The following MCPH1 variants were observed in gnomAD, a reference collection of about 807,000 sequenced individuals.
MCPH1 encodes microcephalin 1, also known as microcephalin.
MCPH1 carries 104 observed loss-of-function variants against 84.5 expected under a neutral mutation model. That is an observed-to-expected ratio of 1.23 (90% confidence interval 1.05 to 1.45). The LOEUF (loss-of-function observed/expected upper bound fraction) is 1.45, where lower values mean the gene tolerates loss of function less well. MCPH1 is among the 40% of genes most tolerant of loss of function. The pLI is 0.00. For synonymous variants in MCPH1, 514 were observed against 366.8 expected (o/e 1.40, Z -4.58); for missense variants, 1,498 against 1,005.7 (o/e 1.49, Z -6.62).
intron 13 of MCPH1, chr8:6,626,147 T>C: frequency 2.0e-6 from 2 of 985,344 alleles, no homozygotes; most frequent in Non-Finnish European, 2.4e-6. Flanking sequence ...AAGAATTTCT[T>C]TCGACCTCAG....
intron 12 of MCPH1, among the ~76,000 whole-genome samples, chr8:6,545,367 A>C (rs7005658): frequency 0.17 from 25,757 of 152,202 alleles, 2,668 homozygotes; most frequent in South Asian, 0.23. Context: ...AAATTCTTTT[A>C]AAAACTAAAA....
intron 1 of MCPH1, among the ~76,000 whole-genome samples, chr8:6,408,415 T>C (rs1447114023): frequency 2.0e-5 from 3 of 152,172 alleles, no homozygotes; most frequent in Admixed American, 6.5e-5. Flanking sequence ...AGAGCCAGGG[T>C]CTCACTATGT....
intron 12 of MCPH1, among the ~76,000 whole-genome samples, chr8:6,558,445 A>G (rs1316118845): frequency 2.6e-5 from 4 of 152,216 alleles, no homozygotes; most frequent in Non-Finnish European, 4.4e-5. Flanking sequence ...CAAAATTTCA[A>G]TTATTTTATG....
At position 6,622,004 on chromosome 8, in the gene MCPH1, G is replaced by A. The variant is rs143238857; in HGVS notation, c.2452+313G>A. 6.4e-3 allele frequency: 2,696 copies of A among 423,082 alleles called. 17 individuals are homozygous for A. The highest frequency in any genetic ancestry group is 7.8e-3 in the Non-Finnish European group (1,678 of 214,278). The allele number at this position is 423,082 out of a possible 1,614,324, so 26.2% of individuals were successfully genotyped here. A position where few individuals can be genotyped will look rare whatever the true frequency, so the allele number is the denominator to read the frequency against. ...CCACCCCTGTGGGCACAGACTCTCCGGGCACCCCTCTTAGACCCTCCCTCC... is the reference window on the plus strand; with the variant it reads ...CCACCCCTGTGGGCACAGACTCTCCAGGCACCCCTCTTAGACCCTCCCTCC... On this transcript the variant is annotated intron_variant, in intron 13 of 13. Transcript: ENST00000344683.
intron 9 of MCPH1, among the ~76,000 whole-genome samples, chr8:6,460,857 C>T (rs965159955): frequency 6.6e-6 from 1 of 152,146 alleles, no homozygotes; most frequent in East Asian, 1.9e-4. Flanking sequence ...TGGGCAACGT[C>T]TGCAAATAGC....
rs77011915 is a variant in MCPH1, at chr8:6,537,461, A to C, written c.2214+37532A>C. ...GCTGCTTAGTGTTATTTGATTTGCT[A>C]AAAGAGTTGCGCCCCAGACATAGTC... On this transcript the variant is annotated intron_variant, in intron 12 of 13. Transcript: ENST00000344683. Among the ~76,000 whole-genome samples the C allele has an allele frequency of 8.1e-3, 1,229 of 152,168 alleles. 17 individuals are homozygous for C. The highest frequency in any genetic ancestry group is 0.027 in the African/African-American group (1,106 of 41,508).
intron 9 of MCPH1, among the ~76,000 whole-genome samples, chr8:6,460,838 C>T (rs2440403): frequency 0.7 from 105,740 of 152,022 alleles, 41,136 homozygotes; most frequent in Non-Finnish European, 0.85. Flanking sequence ...GACTCACTGA[C>T]TTAGTAGCTG....
chr8:6,638,798 G>T (rs1221214204), intron 13 of MCPH1, among the ~76,000 whole-genome samples: 3 of 152,130 alleles, frequency 2.0e-5, no homozygotes, highest in Non-Finnish European at 4.4e-5. Context: ...AACTTGGATA[G>T]AAATCATTTT....
intron 12 of MCPH1, among the ~76,000 whole-genome samples, chr8:6,574,409 A>T (rs1034425894): frequency 1.3e-5 from 2 of 152,186 alleles, no homozygotes; most frequent in Admixed American, 6.5e-5. Flanking sequence ...ACCCCACTCC[A>T]GGAGGACCTC....
chr8:6,636,221 T>A (rs950916765), intron 13 of MCPH1, among the ~76,000 whole-genome samples: 1 of 151,724 alleles, frequency 6.6e-6, no homozygotes. Context: ...ATGCATGTAG[T>A]CCCAGCTACT....
chr8:6,513,356 G>A (rs923270727), intron 12 of MCPH1, among the ~76,000 whole-genome samples: 26 of 142,578 alleles, frequency 1.8e-4, no homozygotes, highest in African/African-American at 2.3e-4. Context: ...TTTTTGAGAC[G>A]GAGTCTTGCT....
At chr8:6,522,280 G>A (rs1346646310) in intron 12 of MCPH1, among the ~76,000 whole-genome samples, 3 of 151,992 alleles carry the variant, frequency 2.0e-5, no homozygotes, top group East Asian at 1.9e-4. Context: ...GCGTGATCTC[G>A]GGAGGCGGAG....
intron 12 of MCPH1, among the ~76,000 whole-genome samples, chr8:6,591,563 C>G (rs929896650): frequency 6.6e-6 from 1 of 152,178 alleles, no homozygotes; most frequent in Non-Finnish European, 1.5e-5. Flanking sequence ...CAAGAGTATC[C>G]TAAGAGCACT....
chr8:6,513,861 T>G, intron 12 of MCPH1: 1 of 1,589,014 alleles, frequency 6.3e-7, no homozygotes, highest in Non-Finnish European at 8.6e-7. Context: ...TGCAAGTTGT[T>G]AAATTCAATT....
At position 6,412,766 on chromosome 8, in the gene MCPH1, C is replaced by T. The variant is rs527408477; in HGVS notation, c.115-1999C>T. ...TCAGTCTTAATCTAGAATCTCAGCC[C>T]GGTAATTCTTAATTGCCTTGATAGC... On this transcript the variant is annotated intron_variant, in intron 2 of 13. Coordinates refer to ENST00000344683, the MANE Select transcript of MCPH1 (RefSeq NM_024596.5). Among the ~76,000 whole-genome samples, 7 of 152,212 alleles carry T rather than the reference C, an allele frequency of 4.6e-5. No homozygotes were observed. In the South Asian group the frequency reaches 1.0e-3, roughly 23 times the overall value.
intron 12 of MCPH1, chr8:6,503,022 G>A (rs1812501047): frequency 6.5e-7 from 1 of 1,542,656 alleles, no homozygotes; most frequent in South Asian, 1.2e-5. Flanking sequence ...AGGACACAGT[G>A]CGCAGCCGTG....
intron 12 of MCPH1, among the ~76,000 whole-genome samples, chr8:6,596,660 G>A (rs1828948618): frequency 6.6e-6 from 1 of 152,256 alleles, no homozygotes; most frequent in Non-Finnish European, 1.5e-5. Context: ...CAGGGGCCCA[G>A]GAGACAGTAT....
rs546399012 is a variant in MCPH1 at position 6,527,962 on chromosome 8, C to A, written c.2214+28033C>A. 5.4e-5 allele frequency among the ~76,000 whole-genome samples: 8 copies of A among 147,052 alleles called. No individual in the cohort carries two copies. The East Asian group carries it at 1.6e-3, about 30-fold the overall frequency. On this transcript the variant is annotated intron_variant, in intron 12 of 13. Coordinates refer to ENST00000344683, the MANE Select transcript of MCPH1 (RefSeq NM_024596.5). ...CCGGGGTGGAGTGCAGTGGCATGAT[C>A]TCGGCTCACTGCAACCTCCGCCTCC... is the stretch of plus-strand genomic sequence containing the variant.
intron 13 of MCPH1, among the ~76,000 whole-genome samples, chr8:6,629,669 T>G (rs1797011712): frequency 1.3e-5 from 2 of 152,170 alleles, no homozygotes; most frequent in African/African-American, 4.8e-5. Flanking sequence ...GTCTGCTGTT[T>G]AAGCCACCCA....
Sources: gnomAD v4.1 joint callset for allele counts (sites outside exome capture counted in the v4.1 genomes callset) on GRCh38, gnomAD v4.1.1 for gene constraint, MANE v1.5 for transcripts, NCBI Gene and HGNC (gene_info 2026-07-23, HGNC 2026-07-21) for gene names.